The following POR variants were observed in gnomAD, a reference collection of about 807,000 sequenced individuals.
POR encodes the protein NADPH--cytochrome P450 reductase.
POR carries 56 observed loss-of-function variants against 84.0 expected under a neutral mutation model. The observed-to-expected ratio is 0.67, with a 90% CI of 0.54 to 0.83. The LOEUF (loss-of-function observed/expected upper bound fraction) is 0.83. Ranked by LOEUF, POR falls within the 40% of genes least tolerant of loss-of-function variation. The pLI, the probability that POR is intolerant of heterozygous loss-of-function variation, is 0.00. For missense variants in POR, 938 were observed against 944.3 expected, an observed-to-expected ratio of 0.99 and a Z score of 0.09; for synonymous variants, 414 against 400.5, an observed-to-expected ratio of 1.03 and a Z score of -0.40.
At chr7:75,981,396 GC>G in intron 6 of POR, 120 bp from the exon 7 acceptor site, 1 of 1,210,486 alleles carries the variant, frequency 8.3e-7, no homozygotes, top group Non-Finnish European at 1.2e-6. Context: ...GTCGCTGGGT[GC>G]CCCAGGGTGC....
At chr7:75,919,893 G>T (rs56205747) in intron 1 of POR, among the ~76,000 whole-genome samples, 19,206 of 151,928 alleles carry the variant, frequency 0.13, 1,557 homozygotes, top group South Asian at 0.2. Flanking sequence ...TGGAGTGCTG[G>T]AGGGTGTGGC....
At chr7:75,946,404 G>A (rs239956) in intron 1 of POR, among the ~76,000 whole-genome samples, 151,066 of 152,120 alleles carry the variant, frequency 0.99, 75,014 homozygotes, top group Middle Eastern at 1. Context: ...CTCCTACCTC[G>A]GCCTGCCACA....
At chr7:75,941,608 C>G (rs577802592) in intron 1 of POR, among the ~76,000 whole-genome samples, 1 of 152,224 alleles carries the variant, frequency 6.6e-6, no homozygotes, top group East Asian at 1.9e-4. Context: ...ATTTTTTAGG[C>G]TTTGCATGCC....
At chr7:75,959,696 T>C (rs1787849942) in intron 2 of POR, among the ~76,000 whole-genome samples, 1 of 152,138 alleles carries the variant, frequency 6.6e-6, no homozygotes, top group South Asian at 2.1e-4. Context: ...CCCCAAGTGA[T>C]CCATCCGCCT....
At chr7:75,916,030 C>G (rs948019389) in intron 1 of POR, among the ~76,000 whole-genome samples, 4 of 152,160 alleles carry the variant, frequency 2.6e-5, no homozygotes, top group African/African-American at 9.7e-5. Flanking sequence ...CTTGCCTTGC[C>G]TCTGAGCTTG....
At chr7:75,927,481 A>C (rs1035553210) in intron 1 of POR, among the ~76,000 whole-genome samples, 38 of 151,932 alleles carry the variant, frequency 2.5e-4, no homozygotes, top group African/African-American at 8.2e-4. Context: ...AACAAAAAAA[A>C]CCCCAAAAAA....
intron 1 of POR, chr7:75,923,554 C>T: frequency 2.6e-6 from 1 of 377,412 alleles, no homozygotes; most frequent in Non-Finnish European, 5.0e-6. Flanking sequence ...AGATTATTTC[C>T]TGCTTTATCT....
chr7:75,953,639 C>G (rs537058324), intron 1 of POR, among the ~76,000 whole-genome samples: 2 of 152,198 alleles, frequency 1.3e-5, no homozygotes, highest in Admixed American at 6.5e-5. Context: ...GCCTGCCCCC[C>G]GTGCGGTGTC....
Position 75,921,484 on chromosome 7 carries a change from A to C in POR, c.-5+6305A>C, listed in dbSNP as rs1192127206. On this transcript the variant is annotated intron_variant, in intron 1 of 15. Transcript: ENST00000461988. ...ACTGTGTTGGCCAGGCTGGTCTCGA[A>C]CTCCTGACCTCAGGCGATCTGCCTG... 1.3e-4 allele frequency among the ~76,000 whole-genome samples: 19 copies of C among 151,464 alleles called. 1 individual carries two copies.
At position 75,985,349 on chromosome 7, in the gene POR, C is replaced by T. The variant is rs145185417; in HGVS notation, c.1398+142C>T. On this transcript the variant is annotated intron_variant, in intron 12 of 15. Coordinates refer to ENST00000461988, the MANE Select transcript of POR (RefSeq NM_000941.3). ...CCCCAGCGCAGCTCCAAATGCCTCC[C>T]CAGGCTGTGGACTCAGTCGGGCTGG... is the stretch of plus-strand genomic sequence containing the variant. The T allele has an allele frequency of 2.0e-5, 25 of 1,222,214 alleles. No individual in the cohort carries two copies. The East Asian group carries it at 6.2e-4, about 30-fold the overall frequency. The allele number at this position is 1,222,214 out of a possible 1,614,324, so 75.7% of individuals were successfully genotyped here. A position where few individuals can be genotyped will look rare whatever the true frequency, so the allele number is the denominator to read the frequency against.
chr7:75,925,322 A>C (rs1554549333), intron 1 of POR, among the ~76,000 whole-genome samples: 1 of 149,152 alleles, frequency 6.7e-6, no homozygotes, highest in Non-Finnish European at 1.5e-5. Flanking sequence ...AGCCTGGGCA[A>C]GAGAGAGAGA....
At chr7:75,973,476 G>T (rs970085267) in intron 3 of POR, among the ~76,000 whole-genome samples, 10 of 151,710 alleles carry the variant, frequency 6.6e-5, no homozygotes, top group African/African-American at 2.4e-4. Context: ...ACCACGCCTG[G>T]CTAATTTTTT....
chr7:75,986,607 C>G lies in POR; in HGVS notation c.*126C>G, dbSNP rs1328856341. 8.1e-7 allele frequency: 1 copy of G among 1,239,810 alleles called. No homozygotes were observed. Among genetic ancestry groups the G allele is most frequent in the South Asian group, 1.5e-5 (1 of 68,686 alleles). 76.8% of individuals were successfully genotyped at this position (1,239,810 alleles called of 1,614,324 possible). ...GGGCGCAGGCCCAGTGACAAAGACT[C>G]CTCTGGGCCTGGGGTGCATCCTCCT... On this transcript the variant is annotated 3_prime_UTR_variant, in exon 16 of 16. Transcript: ENST00000461988.
At chr7:75,965,266 G>A (rs569536884) in intron 2 of POR, among the ~76,000 whole-genome samples, 105 of 151,848 alleles carry the variant, frequency 6.9e-4, no homozygotes, top group African/African-American at 2.4e-3. Context: ...AGGTGTCAGT[G>A]GATCAGAGAA....
intron 2 of POR, chr7:75,968,422 C>T (rs782347875): frequency 2.6e-6 from 1 of 378,264 alleles, no homozygotes; most frequent in Non-Finnish European, 5.3e-6. Flanking sequence ...CCAGGAAGGC[C>T]TCATGCACCC....
chr7:75,918,355 C>T (rs781827561), intron 1 of POR, among the ~76,000 whole-genome samples: 10 of 152,082 alleles, frequency 6.6e-5, no homozygotes, highest in Non-Finnish European at 1.2e-4. Context: ...GCAGTTTTGT[C>T]ATCTGGCATT....
intron 1 of POR, among the ~76,000 whole-genome samples, chr7:75,929,774 C>G (rs1225214718): frequency 1.3e-5 from 2 of 152,186 alleles, no homozygotes; most frequent in Admixed American, 6.6e-5. Flanking sequence ...TGACCAATAC[C>G]TGTTCTGTGG....
intron 1 of POR, among the ~76,000 whole-genome samples, chr7:75,921,409 G>T (rs1023817494): frequency 6.6e-6 from 1 of 151,850 alleles, no homozygotes; most frequent in Non-Finnish European, 1.5e-5. Context: ...TTATAGGTGC[G>T]CGGCACCGCG....
intron 1 of POR, among the ~76,000 whole-genome samples, chr7:75,942,035 A>G (rs1187209577): frequency 6.6e-6 from 1 of 151,938 alleles, no homozygotes; most frequent in Non-Finnish European, 1.5e-5. Context: ...CCTGGGCAAC[A>G]TGGCTAACCC....
Sources: gnomAD v4.1 joint callset for allele counts (sites outside exome capture counted in the v4.1 genomes callset) on GRCh38, gnomAD v4.1.1 for gene constraint, MANE v1.5 for transcripts, NCBI Gene and HGNC (gene_info 2026-07-23, HGNC 2026-07-21) for gene names.